The following GGACT variants were observed in gnomAD, a reference collection of about 807,000 sequenced individuals.
The protein encoded by GGACT is gamma-glutamylaminecyclotransferase.
For missense variants in GGACT, 241 were observed against 233.2 expected (o/e 1.03, Z -0.22); for synonymous variants, 118 against 115.3 (o/e 1.02, Z -0.15).
At chr13:100,578,621 G>T (rs1051889677) in intron 2 of GGACT, among the ~76,000 whole-genome samples, 1 of 152,278 alleles carries the variant, frequency 6.6e-6, no homozygotes, top group Non-Finnish European at 1.5e-5. Context: ...CTTAGACTTC[G>T]TCAATGTTCC....
chr13:100,563,240 T>C (rs1373097901), intron 2 of GGACT, among the ~76,000 whole-genome samples: 2 of 152,106 alleles, frequency 1.3e-5, no homozygotes, highest in African/African-American at 4.8e-5. Context: ...ACATGTGACA[T>C]GCATCCACTG....
At chr13:100,547,532 G>A (rs837308) in intron 2 of GGACT, among the ~76,000 whole-genome samples, 1,755 of 152,342 alleles carry the variant, frequency 0.012, 31 homozygotes, top group African/African-American at 0.04. Context: ...CGCAGGCCTG[G>A]TCTGCGCTTA....
rs2088424359 is a variant in GGACT at position 100,532,506 on chromosome 13, G to A, written c.86C>T (p.Ala29Val). 6.5e-7 allele frequency: 1 copy of A among 1,548,604 alleles called. No individual in the cohort carries two copies. The highest frequency in any genetic ancestry group is 8.7e-7 in the Non-Finnish European group (1 of 1,146,016). The change falls in exon 3 of 3, where the codon GCC becomes GTC. Residue 29 changes from alanine to valine, a missense_variant. By Grantham distance (64) the Ala-to-Val change is moderately conservative. Transcript: ENST00000683975. ...VLRDGAHGSA[A>V]FRARGRTLEP... ...CAGCGTGCGGCCGCGCGCCCGAAAG[G>A]CTGCGGAGCCGTGGGCGCCGTCCCG...
At chr13:100,586,942 G>T (rs1362419031) in intron 1 of GGACT, 1 of 152,064 alleles carries the variant, frequency 6.6e-6, no homozygotes, top group Non-Finnish European at 1.5e-5. Flanking sequence ...ACTGAAGAAT[G>T]AATTCCTGTT....
chr13:100,586,746 C>T (rs1875589305), intron 1 of GGACT: 1 of 152,240 alleles, frequency 6.6e-6, no homozygotes, highest in Admixed American at 6.5e-5. Context: ...AGCTATTTAC[C>T]AGGTCTGTTA....
intron 2 of GGACT, among the ~76,000 whole-genome samples, chr13:100,564,373 T>G (rs1299338349): frequency 6.6e-6 from 1 of 152,158 alleles, no homozygotes; most frequent in Non-Finnish European, 1.5e-5. Context: ...TAAAAAAGAC[T>G]TACATTCAAC....
At chr13:100,587,192 A>G (rs1566541794) in intron 1 of GGACT, 1 of 152,154 alleles carries the variant, frequency 6.6e-6, no homozygotes, top group Non-Finnish European at 1.5e-5. Context: ...AAAGCCTCCC[A>G]ATGACTTCAC....
At chr13:100,546,134 G>T (rs967774283) in intron 2 of GGACT, among the ~76,000 whole-genome samples, 3 of 152,190 alleles carry the variant, frequency 2.0e-5, no homozygotes, top group African/African-American at 7.2e-5. Flanking sequence ...GCCGAGGCGG[G>T]TGGATCACGA....
At chr13:100,549,979 T>G (rs574236402) in intron 2 of GGACT, among the ~76,000 whole-genome samples, 4 of 152,208 alleles carry the variant, frequency 2.6e-5, no homozygotes, top group Non-Finnish European at 5.9e-5. Context: ...ATCCTTTCAG[T>G]GCTTGTATAA....
chr13:100,536,883 G>A (rs1332322325), intron 2 of GGACT: 1 of 152,806 alleles, frequency 6.5e-6, no homozygotes, highest in East Asian at 1.9e-4. Flanking sequence ...CAGGTGTGAG[G>A]GGAAGCAGTG....
intron 1 of GGACT, among the ~76,000 whole-genome samples, chr13:100,586,176 C>T (rs747128201): frequency 4.6e-5 from 7 of 152,014 alleles, no homozygotes; most frequent in Non-Finnish European, 8.8e-5. Flanking sequence ...GTTACACAAG[C>T]AAATGCCCTT....
chr13:100,553,021 C>T (rs535281251), intron 2 of GGACT, among the ~76,000 whole-genome samples: 7 of 150,716 alleles, frequency 4.6e-5, no homozygotes, highest in Non-Finnish European at 8.9e-5. Flanking sequence ...GCAGAGGGGA[C>T]GGTGGGCTGT....
intron 2 of GGACT, among the ~76,000 whole-genome samples, chr13:100,573,811 A>C (rs1162055993): frequency 6.6e-6 from 1 of 151,988 alleles, no homozygotes; most frequent in Non-Finnish European, 1.5e-5. Context: ...CATCTTCACT[A>C]ATCAGAGAAA....
chr13:100,580,406 G>T (rs1350493264), intron 2 of GGACT, among the ~76,000 whole-genome samples: 1 of 152,240 alleles, frequency 6.6e-6, no homozygotes, highest in East Asian at 1.9e-4. Context: ...AGAGCCGGGA[G>T]GTGTGCGACC....
rs2088424004 is a variant in GGACT, at chr13:100,532,499, CCGAAAG to C, written c.87_92del (p.Phe30_Arg31del). 6.5e-7 allele frequency: 1 copy of C among 1,548,804 alleles called. No individual in the cohort carries two copies. Among genetic ancestry groups the C allele is most frequent in the African/African-American group, 1.4e-5 (1 of 73,144 alleles). ...AGGGCTCCAGCGTGCGGCCGCGCGCCCGAAAGGCTGCGGAGCCGTGGGCGCCGTCCC... is the reference window on the plus strand; with the variant it reads ...AGGGCTCCAGCGTGCGGCCGCGCGCCGCTGCGGAGCCGTGGGCGCCGTCCC... On this transcript the variant is annotated inframe_deletion, in exon 3 of 3. Transcript: ENST00000683975.
chr13:100,543,374 A>C (rs2088573343), intron 2 of GGACT, among the ~76,000 whole-genome samples: 1 of 151,612 alleles, frequency 6.6e-6, no homozygotes, highest in African/African-American at 2.4e-5. Flanking sequence ...CGCCTGGCTA[A>C]TTTTTGTATT....
intron 2 of GGACT, among the ~76,000 whole-genome samples, chr13:100,555,178 A>C (rs114516391): frequency 0.015 from 2,233 of 152,262 alleles, 56 homozygotes; most frequent in African/African-American, 0.05. Context: ...GCACTTCTCA[A>C]CTCCTTTTAT....
At chr13:100,535,563 C>T (rs539141979) in intron 2 of GGACT, among the ~76,000 whole-genome samples, 14 of 152,332 alleles carry the variant, frequency 9.2e-5, no homozygotes, top group South Asian at 8.3e-4. Flanking sequence ...GATCTGCTGA[C>T]ATGTAGCGTG....
At chr13:100,535,099 G>C (rs1022949078) in intron 2 of GGACT, among the ~76,000 whole-genome samples, 1 of 152,206 alleles carries the variant, frequency 6.6e-6, no homozygotes, top group Non-Finnish European at 1.5e-5. Context: ...CGAGTCCCAG[G>C]CTGGTGGCGA....
Sources: gnomAD v4.1 joint callset for allele counts (sites outside exome capture counted in the v4.1 genomes callset) on GRCh38, gnomAD v4.1.1 for gene constraint, MANE v1.5 for transcripts, NCBI Gene and HGNC (gene_info 2026-07-23, HGNC 2026-07-21) for gene names.